The following IRAG1 variants were observed in gnomAD, a reference collection of about 807,000 sequenced individuals.
IRAG1 encodes the protein inositol 1,4,5-triphosphate receptor associated 1, also known as IP3R-associated cGMP kinase substrate.
Under a neutral mutation model 106.2 loss-of-function variants are expected in IRAG1, and 62 were observed. That is an observed-to-expected ratio of 0.58 (90% confidence interval 0.48 to 0.72). The LOEUF (loss-of-function observed/expected upper bound fraction) is 0.72, where lower values mean the gene tolerates loss of function less well. IRAG1 is among the 30% of genes least tolerant of loss of function. The pLI, the probability that IRAG1 is intolerant of heterozygous loss-of-function variation, is 0.00. For missense variants in IRAG1, 1,064 were observed against 1,140.7 expected, an observed-to-expected ratio of 0.93 and a Z score of 0.97; for synonymous variants, 462 against 443.9, an observed-to-expected ratio of 1.04 and a Z score of -0.51.
chr11:10,635,395 G>C (rs1301696463), intron 2 of IRAG1, among the ~76,000 whole-genome samples: 2 of 152,170 alleles, frequency 1.3e-5, no homozygotes, highest in African/African-American at 4.8e-5. Flanking sequence ...CACTATTGGT[G>C]CTGCCTCCCG....
intron 12 of IRAG1, among the ~76,000 whole-genome samples, chr11:10,604,985 AT>A (rs1400571320): frequency 2.0e-5 from 3 of 152,198 alleles, no homozygotes; most frequent in African/African-American, 4.8e-5. Context: ...AGATTTAAGC[AT>A]TGTTGACGTA....
At chr11:10,624,476 G>A (rs1856078180) in intron 9 of IRAG1, among the ~76,000 whole-genome samples, 1 of 152,174 alleles carries the variant, frequency 6.6e-6, no homozygotes, top group African/African-American at 2.4e-5. Context: ...TGGCCCAAGT[G>A]GGCTCACACC....
chr11:10,633,236 G>A (rs538301618), intron 3 of IRAG1, among the ~76,000 whole-genome samples: 46 of 151,896 alleles, frequency 3.0e-4, no homozygotes, highest in South Asian at 1.7e-3. Context: ...CACCACACCC[G>A]GCTAATTTTT....
intron 1 of IRAG1, among the ~76,000 whole-genome samples, chr11:10,654,939 G>A (rs1410253109): frequency 6.6e-6 from 1 of 152,198 alleles, no homozygotes; most frequent in Non-Finnish European, 1.5e-5. Flanking sequence ...AATTCTTACT[G>A]TATGAATAAA....
rs142031527 is a variant in IRAG1 at position 10,633,611 on chromosome 11, C to A, written c.329+357G>T. On this transcript the variant is annotated intron_variant, in intron 3 of 20. Transcript: ENST00000423302. ...ACAGTTATTATGGGAAACTCTCCTG[C>A]GGTGATTTATGCTTTTCTTAAAGGC... Among the ~76,000 whole-genome samples, 36 of 152,260 alleles carry A rather than the reference C, an allele frequency of 2.4e-4. 1 individual carries two copies. The South Asian group carries it at 7.0e-3, about 30-fold the overall frequency.
intron 18 of IRAG1, among the ~76,000 whole-genome samples, chr11:10,586,443 G>C (rs908148698): frequency 6.7e-6 from 1 of 149,222 alleles, no homozygotes; most frequent in Admixed American, 6.7e-5. Flanking sequence ...CTTGAGACAG[G>C]GTCCCGCTCT....
intron 17 of IRAG1, among the ~76,000 whole-genome samples, chr11:10,592,906 A>T (rs1325665308): frequency 6.6e-6 from 1 of 152,246 alleles, no homozygotes; most frequent in East Asian, 1.9e-4. Context: ...TACTGTTTAT[A>T]CACTAGGTTT....
At chr11:10,604,675 T>C (rs1192548429) in intron 12 of IRAG1, 130 bp from the exon 13 acceptor site, 2 of 1,119,200 alleles carry the variant, frequency 1.8e-6, no homozygotes, top group East Asian at 2.4e-5. Flanking sequence ...AAAGCAGCCA[T>C]GTGCAAGGGA....
At chr11:10,627,618 C>A in intron 8 of IRAG1, 98 bp downstream of exon 8, 1 of 1,309,654 alleles carries the variant, frequency 7.6e-7, no homozygotes, top group Non-Finnish European at 1.1e-6. Flanking sequence ...CGTGTGCATG[C>A]ACACACACTT....
At chr11:10,607,398 G>T (rs1854564864) in intron 11 of IRAG1, among the ~76,000 whole-genome samples, 1 of 152,124 alleles carries the variant, frequency 6.6e-6, no homozygotes, top group South Asian at 2.1e-4. Context: ...TCACAGAGTG[G>T]CAAGAAAGCC....
intron 2 of IRAG1, among the ~76,000 whole-genome samples, chr11:10,640,626 T>G (rs923832779): frequency 1.8e-4 from 27 of 152,210 alleles, no homozygotes; most frequent in Admixed American, 4.6e-4. Flanking sequence ...CTAGGGGCCC[T>G]CTGGGGTGAA....
chr11:10,580,413 C>G, intron 20 of IRAG1, 42 bp downstream of exon 20: 2 of 1,594,156 alleles, frequency 1.3e-6, no homozygotes, highest in Non-Finnish European at 1.7e-6. Context: ...ATTGTAACCC[C>G]CATTTCAGCA....
chr11:10,681,652 G>C (rs564729017), intron 1 of IRAG1, among the ~76,000 whole-genome samples: 2 of 152,272 alleles, frequency 1.3e-5, no homozygotes, highest in South Asian at 4.1e-4. Flanking sequence ...GATTTGATTT[G>C]CTCAAGAGCA....
Position 10,573,342 on chromosome 11 carries a change from TGAAGGCAGG to T in IRAG1, c.*2981_*2989del, listed in dbSNP as rs1850679671. 6.6e-6 allele frequency: 1 copy of T among 152,168 alleles called. No individual in the cohort carries two copies. The highest frequency in any genetic ancestry group is 6.5e-5 in the Admixed American group (1 of 15,276). The allele number at this position is 152,168 out of a possible 1,614,324, so 9.4% of individuals were successfully genotyped here. A position where few individuals can be genotyped will look rare whatever the true frequency, so the allele number is the denominator to read the frequency against. ...TGACACAAACACATCACTCTGCAAC[TGAAGGCAGG>T]GAACCAGACTCCTAGGGCTAAGCAG... On this transcript the variant is annotated 3_prime_UTR_variant, in exon 21 of 21. Coordinates refer to ENST00000423302, the MANE Select transcript of IRAG1 (RefSeq NM_130385.4).
chr11:10,652,135 C>A lies in IRAG1; in HGVS notation c.115G>T (p.Glu39Ter), dbSNP rs1043240132. Residue 39 changes from glutamate (E) to a stop codon, truncating the protein, a stop_gained, in exon 2 of 21, where the codon GAG (glutamate) becomes TAG (stop). Coordinates refer to ENST00000423302, the MANE Select transcript of IRAG1 (RefSeq NM_130385.4). LOFTEE classifies it high-confidence loss of function. ...GAGTGGCCACGTGTGCCCGGAACCTCCGCTGCGTCAGCCCCAAAGATGCTC... is the reference window on the plus strand; with the variant it reads ...GAGTGGCCACGTGTGCCCGGAACCTACGCTGCGTCAGCCCCAAAGATGCTC... ...SWSIFGADAA[E>*]VPGTRGHSQQ... 6.2e-7 allele frequency: 1 copy of A among 1,612,974 alleles called. No individual in the cohort carries two copies. The highest frequency in any genetic ancestry group is 8.5e-7 in the Non-Finnish European group (1 of 1,179,600).
chr11:10,611,342 CATCATTCT>C (rs1854943761), intron 10 of IRAG1, among the ~76,000 whole-genome samples: 1 of 152,172 alleles, frequency 6.6e-6, no homozygotes, highest in Admixed American at 6.5e-5. Flanking sequence ...TCACCCCTGG[CATCATTCT>C]ACCTTTATGT....
At chr11:10,649,991 C>T (rs932445503) in intron 2 of IRAG1, among the ~76,000 whole-genome samples, 1 of 152,150 alleles carries the variant, frequency 6.6e-6, no homozygotes, top group African/African-American at 2.4e-5. Context: ...TATTGGGGCC[C>T]AGCAGAAGGA....
chr11:10,580,507 C>T lies in IRAG1; in HGVS notation c.2443G>A (p.Glu815Lys). 1 of 1,613,934 alleles carries T rather than the reference C, an allele frequency of 6.2e-7. No homozygotes were observed. The highest frequency in any genetic ancestry group is 8.5e-7 in the Non-Finnish European group (1 of 1,179,836). Reference protein sequence around the residue: ...EEEQKSESPEEPEEVEETEEE... With the variant: ...EEEQKSESPEKPEEVEETEEE... ...TCAGTTTCTTCTACCTCTTCAGGTT[C>T]CTCAGGACTCTCACTCTTCTGTTCT... The change falls in exon 20 of 21, where the codon GAA (glutamate) becomes AAA (lysine). Residue 815 changes from glutamate to lysine, a missense_variant. Physicochemically the swap from Glu to Lys is moderately conservative, Grantham distance 56 (BLOSUM62 1). Transcript: ENST00000423302.
intron 10 of IRAG1, among the ~76,000 whole-genome samples, chr11:10,620,600 CTAA>C (rs1287902671): frequency 4.6e-5 from 7 of 152,110 alleles, no homozygotes; most frequent in African/African-American, 1.7e-4. Flanking sequence ...AAATTTCACA[CTAA>C]TAATAATAAA....
Sources: allele counts gnomAD v4.1 joint callset (sites outside exome capture counted in the v4.1 genomes callset), GRCh38; gene constraint gnomAD v4.1.1; transcripts MANE v1.5; gene names NCBI Gene and HGNC (gene_info 2026-07-23, HGNC 2026-07-21).